Variants in PPP1R14C observed in about 807,000 individuals in gnomAD.
PPP1R14C encodes protein phosphatase 1 regulatory inhibitor subunit 14C.
A neutral mutation model predicts 20.4 loss-of-function variants in PPP1R14C; 16 were observed. That is an observed-to-expected ratio of 0.78 (90% CI 0.53 to 1.19). PPP1R14C has a LOEUF of 1.19. PPP1R14C is among the 50% of genes most tolerant of loss of function. The probability of loss-of-function intolerance (pLI) is 0.00; values close to 1 mark genes in which losing one functional copy is unlikely to be tolerated. For synonymous variants in PPP1R14C, 91 were observed against 91.0 expected, an observed-to-expected ratio of 1.00 and a Z score of 0.00; for missense variants, 211 against 220.1, an observed-to-expected ratio of 0.96 and a Z score of 0.26.
chr6:150,212,890 C>T lies in PPP1R14C; in HGVS notation c.307-1854C>T, dbSNP rs539663819. On this transcript the variant is annotated intron_variant, in intron 1 of 3. Coordinates refer to ENST00000361131, the MANE Select transcript of PPP1R14C (RefSeq NM_030949.3). ...TACAGCCTGGGTGTGTGGTAGGCTA[C>T]GCCATCTAGGTTTGTGTAAGTTCAC... Among the ~76,000 whole-genome samples, 9 of 152,272 alleles carry T rather than the reference C, an allele frequency of 5.9e-5. No homozygotes were observed. In the South Asian group the frequency reaches 1.5e-3, roughly 25 times the overall value.
intron 3 of PPP1R14C, among the ~76,000 whole-genome samples, chr6:150,221,319 A>C (rs904551759): frequency 6.6e-6 from 1 of 152,196 alleles, no homozygotes; most frequent in African/African-American, 2.4e-5. Context: ...TCAGGACTCA[A>C]CCCGAGTTTC....
intron 3 of PPP1R14C, among the ~76,000 whole-genome samples, chr6:150,226,279 T>C (rs34735685): frequency 0.035 from 5,305 of 152,324 alleles, 131 homozygotes; most frequent in Middle Eastern, 0.058. Context: ...ATTTCTAATG[T>C]AGTGAATATT....
At chr6:150,200,642 A>G (rs543313080) in intron 1 of PPP1R14C, among the ~76,000 whole-genome samples, 2 of 152,292 alleles carry the variant, frequency 1.3e-5, no homozygotes, top group Admixed American at 1.3e-4. Context: ...AGGTCTGCAG[A>G]AGAGCAAGAT....
chr6:150,181,324 A>G (rs1267407012), intron 1 of PPP1R14C, among the ~76,000 whole-genome samples: 1 of 152,074 alleles, frequency 6.6e-6, no homozygotes, highest in Non-Finnish European at 1.5e-5. Flanking sequence ...ACAGGCACAC[A>G]CCACCACACC....
At chr6:150,197,620 A>G (rs1372886824) in intron 1 of PPP1R14C, among the ~76,000 whole-genome samples, 1 of 152,096 alleles carries the variant, frequency 6.6e-6, no homozygotes, top group Non-Finnish European at 1.5e-5. Flanking sequence ...GAGAGAAAGC[A>G]CCTCCTGTTT....
chr6:150,225,911 A>G (rs2114919995), intron 3 of PPP1R14C, among the ~76,000 whole-genome samples: 1 of 152,352 alleles, frequency 6.6e-6, no homozygotes, highest in Non-Finnish European at 1.5e-5. Context: ...TTTGCCAATA[A>G]TGATATTCTT....
At position 150,248,844 on chromosome 6, in the gene PPP1R14C, C is replaced by G. The variant is rs771689206; in HGVS notation, c.*24C>G. ...GATTCTGGAACAGGGTGAAACTCTC[C>G]CAGAGACGAAGAAAGAGTCCTGGGA... On this transcript the variant is annotated 3_prime_UTR_variant, in exon 4 of 4. Coordinates refer to ENST00000361131, the MANE Select transcript of PPP1R14C (RefSeq NM_030949.3). 3.2e-6 allele frequency: 5 copies of G among 1,540,268 alleles called. No homozygotes were observed. The highest frequency in any genetic ancestry group is 4.5e-6 in the Non-Finnish European group (5 of 1,116,098).
chr6:150,163,345 C>T (rs938403568), intron 1 of PPP1R14C, among the ~76,000 whole-genome samples: 9 of 152,170 alleles, frequency 5.9e-5, no homozygotes, highest in Non-Finnish European at 7.3e-5. Context: ...GAGCGGAGAT[C>T]GCACCACTGC....
chr6:150,187,250 T>TGC (rs1418461057), intron 1 of PPP1R14C, among the ~76,000 whole-genome samples: 1 of 35,518 alleles, frequency 2.8e-5, no homozygotes, highest in East Asian at 4.0e-4. Context: ...TCTTTCTCTG[T>TGC]GTGTGTGTGT....
intron 1 of PPP1R14C, among the ~76,000 whole-genome samples, chr6:150,202,255 T>C (rs1344883930): frequency 1.3e-5 from 2 of 152,148 alleles, no homozygotes; most frequent in Admixed American, 1.3e-4. Flanking sequence ...GCCTTGAGTC[T>C]CTGTTAATCT....
At chr6:150,147,011 A>T (rs1440224820) in intron 1 of PPP1R14C, among the ~76,000 whole-genome samples, 1 of 151,932 alleles carries the variant, frequency 6.6e-6, no homozygotes, top group East Asian at 1.9e-4. Flanking sequence ...TTTCCATCTC[A>T]TCTTCTCTTG....
chr6:150,215,698 T>G (rs1778082744), intron 2 of PPP1R14C, among the ~76,000 whole-genome samples: 1 of 152,218 alleles, frequency 6.6e-6, no homozygotes, highest in Non-Finnish European at 1.5e-5. Flanking sequence ...TTTAAAAAGA[T>G]AACGCAGGTA....
At chr6:150,157,263 G>A (rs931874029) in intron 1 of PPP1R14C, among the ~76,000 whole-genome samples, 2 of 152,246 alleles carry the variant, frequency 1.3e-5, no homozygotes, top group Non-Finnish European at 1.5e-5. Context: ...GTGAGAGAGT[G>A]TGGTCTATAC....
In PPP1R14C at chr6:150,143,553, G is replaced by T; in HGVS notation, c.306+55G>T. 10 of 1,286,954 alleles carry T rather than the reference G, an allele frequency of 7.8e-6. No individual in the cohort carries two copies. Among genetic ancestry groups the T allele is most frequent in the Non-Finnish European group, 1.1e-5 (10 of 935,508 alleles). 79.7% of individuals were successfully genotyped at this position (1,286,954 alleles called of 1,614,324 possible). A position where few individuals can be genotyped will look rare whatever the true frequency, so the allele number is the denominator to read the frequency against. The stretch of plus-strand genomic sequence containing the variant: ...GGACCTCTCTAGCTCCTCTGTGCCC[G>T]CGCAGTAATTTTCCCGGGCTCCAGC... On this transcript the variant is annotated intron_variant, in intron 1 of 3. Transcript: ENST00000361131. The surrounding 1 kb of genome is among the most constrained non-coding windows in gnomAD (Gnocchi z 5.6).
At chr6:150,226,758 A>G (rs1218811199) in intron 3 of PPP1R14C, among the ~76,000 whole-genome samples, 3 of 152,122 alleles carry the variant, frequency 2.0e-5, no homozygotes, top group African/African-American at 7.2e-5. Flanking sequence ...GTATCAAATT[A>G]TACAATGATA....
At chr6:150,208,868 A>T (rs918783563) in intron 1 of PPP1R14C, among the ~76,000 whole-genome samples, 4 of 152,190 alleles carry the variant, frequency 2.6e-5, no homozygotes, top group Non-Finnish European at 1.5e-5. Flanking sequence ...GACTATTCTT[A>T]GACTGTGCTT....
intron 3 of PPP1R14C, among the ~76,000 whole-genome samples, chr6:150,222,460 C>T (rs957791572): frequency 5.3e-5 from 8 of 152,092 alleles, no homozygotes; most frequent in Admixed American, 2.0e-4. Context: ...ACATCATTAT[C>T]GCCCGAAGTC....
chr6:150,161,215 G>A (rs1024852449), intron 1 of PPP1R14C, among the ~76,000 whole-genome samples: 3 of 151,986 alleles, frequency 2.0e-5, no homozygotes, highest in Non-Finnish European at 2.9e-5. Context: ...AGGAGGCAGA[G>A]GTTGCAGTGA....
intron 1 of PPP1R14C, among the ~76,000 whole-genome samples, chr6:150,148,286 C>T (rs1243022717): frequency 3.3e-5 from 5 of 151,396 alleles, no homozygotes; most frequent in African/African-American, 4.9e-5. Flanking sequence ...GAATCAGGCA[C>T]AGGGAAGTTA....
Sources: gnomAD v4.1 joint callset for allele counts (sites outside exome capture counted in the v4.1 genomes callset) on GRCh38, gnomAD v4.1.1 for gene constraint, Gnocchi (gnomAD v3.1) non-coding constraint, MANE v1.5 for transcripts, NCBI Gene and HGNC (gene_info 2026-07-23, HGNC 2026-07-21) for gene names.